The following LANCL2 variants were observed in gnomAD, a reference collection of about 807,000 sequenced individuals.
The protein encoded by LANCL2 is LanC like glutathione S-transferase 2.
In LANCL2, 33 loss-of-function variants were observed where a neutral mutation model predicts 56.9. That is an observed-to-expected ratio of 0.58 (90% confidence interval 0.44 to 0.78). The LOEUF (loss-of-function observed/expected upper bound fraction) is 0.78, where lower values mean the gene tolerates loss of function less well. LANCL2 is among the 30% of genes least tolerant of loss of function. The pLI, the probability that LANCL2 is intolerant of heterozygous loss-of-function variation, is 0.00. For synonymous variants in LANCL2, 233 were observed against 228.2 expected, an observed-to-expected ratio of 1.02 and a Z score of -0.19; for missense variants, 562 against 580.2, an observed-to-expected ratio of 0.97 and a Z score of 0.32.
chr7:55,386,695 A>G (rs1454073593), intron 1 of LANCL2, among the ~76,000 whole-genome samples: 1 of 152,180 alleles, frequency 6.6e-6, no homozygotes, highest in African/African-American at 2.4e-5. Flanking sequence ...TTAGGACTCC[A>G]CATTTCCCCC....
chr7:55,411,191 AG>A (rs1790466473), intron 5 of LANCL2, among the ~76,000 whole-genome samples: 1 of 152,240 alleles, frequency 6.6e-6, no homozygotes, highest in African/African-American at 2.4e-5. Flanking sequence ...GAAGCTGTAC[AG>A]TAACTTGAGA....
At chr7:55,388,826 G>A (rs981183123) in intron 1 of LANCL2, among the ~76,000 whole-genome samples, 1 of 152,160 alleles carries the variant, frequency 6.6e-6, no homozygotes, top group Non-Finnish European at 1.5e-5. Context: ...TGGTCCTCAG[G>A]CCTCATTTAC....
intron 5 of LANCL2, among the ~76,000 whole-genome samples, chr7:55,408,419 C>T (rs1463571435): frequency 6.6e-6 from 1 of 152,046 alleles, no homozygotes; most frequent in Admixed American, 6.6e-5. Flanking sequence ...GTAATCCCAG[C>T]ACTTTGGGAG....
intron 6 of LANCL2, among the ~76,000 whole-genome samples, chr7:55,421,841 C>G (rs1169156271): frequency 6.6e-6 from 1 of 152,160 alleles, no homozygotes; most frequent in Non-Finnish European, 1.5e-5. Context: ...TTTATAAAAT[C>G]TATGAATGTT....
intron 6 of LANCL2, among the ~76,000 whole-genome samples, chr7:55,414,621 C>A (rs1007335616): frequency 1.3e-5 from 2 of 152,090 alleles, no homozygotes; most frequent in African/African-American, 4.8e-5. Context: ...GGTATATACT[C>A]TTCTGTGTAG....
chr7:55,391,014 C>CTTTTT (rs576740411), intron 1 of LANCL2, among the ~76,000 whole-genome samples: 2 of 113,730 alleles, frequency 1.8e-5, no homozygotes, highest in Non-Finnish European at 1.8e-5. Flanking sequence ...AGTGATTGAA[C>CTTTTT]TTTTTTTTTT....
chr7:55,426,824 G>A (rs184202585), intron 7 of LANCL2, among the ~76,000 whole-genome samples: 191 of 152,370 alleles, frequency 1.3e-3, no homozygotes, highest in African/African-American at 4.3e-3. Context: ...AGGAGCCAGC[G>A]AGCGGGGAGC....
rs1790652707 is a variant in LANCL2, at chr7:55,425,308, T to C, written c.1063T>C (p.Trp355Arg). The C allele has an allele frequency of 3.7e-6, 6 of 1,614,108 alleles. No individual in the cohort carries two copies. Among genetic ancestry groups the C allele is most frequent in the Non-Finnish European group, 5.1e-6 (6 of 1,180,036 alleles). Residue 355 changes from tryptophan to arginine, a missense_variant, in exon 7 of 9, where the codon TGG becomes CGG. This residue lies in a region of LANCL2 where 378 missense variants were observed against 468.4 expected (regional missense o/e 0.81). Coordinates refer to ENST00000254770, the MANE Select transcript of LANCL2 (RefSeq NM_018697.4). ...GGCCATGGAGTGTAGCGATGTGATTTGGCAGCGAGGTTTGCTGCGGAAGGG... is the reference window on the plus strand; with the variant it reads ...GGCCATGGAGTGTAGCGATGTGATTCGGCAGCGAGGTTTGCTGCGGAAGGG... ...KEAMECSDVI[W>R]QRGLLRKGYG...
chr7:55,417,490 T>G (rs1276205676), intron 6 of LANCL2, among the ~76,000 whole-genome samples: 1 of 152,214 alleles, frequency 6.6e-6, no homozygotes, highest in Non-Finnish European at 1.5e-5. Flanking sequence ...CTGCATTTAT[T>G]GTAAGTTTTG....
intron 5 of LANCL2, among the ~76,000 whole-genome samples, chr7:55,405,027 A>G (rs1477344233): frequency 2.6e-5 from 4 of 152,194 alleles, no homozygotes; most frequent in Non-Finnish European, 4.4e-5. Context: ...GAAACAACCA[A>G]TAGGAGATAA....
intron 1 of LANCL2, among the ~76,000 whole-genome samples, chr7:55,381,684 A>G (rs1320939817): frequency 6.6e-6 from 1 of 152,240 alleles, no homozygotes; most frequent in Non-Finnish European, 1.5e-5. Flanking sequence ...GTAACAAAAG[A>G]CAAATTAACA....
chr7:55,379,349 A>G (rs1209501617), intron 1 of LANCL2, among the ~76,000 whole-genome samples: 2 of 152,198 alleles, frequency 1.3e-5, no homozygotes, highest in African/African-American at 4.8e-5. Flanking sequence ...CTTTTTTATC[A>G]TGAAAAATAA....
intron 5 of LANCL2, among the ~76,000 whole-genome samples, chr7:55,409,092 G>GTT (rs113959130): frequency 1.1e-4 from 16 of 144,530 alleles, no homozygotes; most frequent in East Asian, 6.1e-4. Context: ...TGATTTCCAA[G>GTT]TTTTTTTTTT....
At chr7:55,384,568 T>TA (rs988666609) in intron 1 of LANCL2, among the ~76,000 whole-genome samples, 26 of 150,312 alleles carry the variant, frequency 1.7e-4, no homozygotes, top group Non-Finnish European at 2.8e-4. Context: ...AATAATTAAT[T>TA]AAAAAAAAAG....
chr7:55,407,767 A>G (rs1258581000), intron 5 of LANCL2, among the ~76,000 whole-genome samples: 1 of 152,178 alleles, frequency 6.6e-6, no homozygotes, highest in Non-Finnish European at 1.5e-5. Flanking sequence ...CAGTTTGTGG[A>G]CTCATGAAGC....
At chr7:55,401,404 C>G in intron 5 of LANCL2, 84 bp downstream of exon 5, 1 of 1,260,980 alleles carries the variant, frequency 7.9e-7, no homozygotes. Context: ...ACAAAGCAGT[C>G]TGGATTGAAA....
chr7:55,387,444 C>T (rs553308830), intron 1 of LANCL2, among the ~76,000 whole-genome samples: 87 of 152,108 alleles, frequency 5.7e-4, no homozygotes, highest in Non-Finnish European at 1.2e-3. Context: ...TATCCTAGGC[C>T]TCCTCCAGGG....
At position 55,400,622 on chromosome 7, in the gene LANCL2, G is replaced by C. The variant is rs150672545; in HGVS notation, c.678+518G>C. On this transcript the variant is annotated intron_variant, in intron 4 of 8. Coordinates refer to ENST00000254770, the MANE Select transcript of LANCL2 (RefSeq NM_018697.4). ...CTTCATCAAGTGTCTGTGTTCAGCT[G>C]TCTCTAACTAGGGAGCCAGATGCCC... 5.4e-3 allele frequency among the ~76,000 whole-genome samples: 820 copies of C among 152,304 alleles called. 5 individuals carry two copies. The highest frequency in any genetic ancestry group is 0.017 in the African/African-American group (713 of 41,552).
intron 3 of LANCL2, among the ~76,000 whole-genome samples, chr7:55,399,216 T>A: frequency 6.6e-6 from 1 of 150,848 alleles, no homozygotes. Flanking sequence ...AAGGCTGCGG[T>A]GAGCCATCAT....
Sources: allele counts gnomAD v4.1 joint callset (sites outside exome capture counted in the v4.1 genomes callset), GRCh38; gene constraint gnomAD v4.1.1; regional missense constraint gnomAD v4.1.1; transcripts MANE v1.5; gene names NCBI Gene and HGNC (gene_info 2026-07-23, HGNC 2026-07-21).